Variants in SHISA6 observed in about 807,000 individuals in gnomAD.
SHISA6 encodes the protein protein shisa-6.
Under a neutral mutation model 47.9 loss-of-function variants are expected in SHISA6, and 22 were observed. That is an observed-to-expected ratio of 0.46 (90% CI 0.33 to 0.66). SHISA6 has a LOEUF of 0.66. SHISA6 is among the 30% of genes least tolerant of loss of function. The pLI is 0.02. For missense variants in SHISA6, 680 were observed against 764.6 expected (o/e 0.89, Z 1.30); for synonymous variants, 388 against 337.8 (o/e 1.15, Z -1.63).
intron 3 of SHISA6, among the ~76,000 whole-genome samples, chr17:11,471,322 T>C (rs896073549): frequency 6.6e-6 from 1 of 151,790 alleles, no homozygotes; most frequent in African/African-American, 2.4e-5. Flanking sequence ...CAGAAATGCA[T>C]AGCCCAACTG....
intron 2 of SHISA6, among the ~76,000 whole-genome samples, chr17:11,367,102 C>G (rs79530375): frequency 6.6e-6 from 1 of 152,086 alleles, no homozygotes; most frequent in Admixed American, 6.5e-5. Flanking sequence ...ATCAGCAACT[C>G]TTTTGACATT....
chr17:11,463,155 G>T (rs1915732309), intron 3 of SHISA6, among the ~76,000 whole-genome samples: 2 of 152,274 alleles, frequency 1.3e-5, no homozygotes, highest in Non-Finnish European at 2.9e-5. Flanking sequence ...GAAAACTCGG[G>T]ACCCTCAACA....
chr17:11,260,174 T>C (rs572956518), intron 1 of SHISA6, among the ~76,000 whole-genome samples: 26 of 152,270 alleles, frequency 1.7e-4, no homozygotes, highest in African/African-American at 4.6e-4. Flanking sequence ...TCAGATTTGC[T>C]GCCTGATTAA....
chr17:11,415,783 G>T (rs1316305677), intron 3 of SHISA6, among the ~76,000 whole-genome samples: 3 of 152,068 alleles, frequency 2.0e-5, no homozygotes, highest in Admixed American at 2.0e-4. Flanking sequence ...TTATCTAACA[G>T]GTTAGTGTTT....
chr17:11,406,851 A>G (rs1164564958), intron 3 of SHISA6, among the ~76,000 whole-genome samples: 1 of 152,180 alleles, frequency 6.6e-6, no homozygotes, highest in Non-Finnish European at 1.5e-5. Context: ...CCACGAGAGT[A>G]TAATTGGAAT....
At chr17:11,301,275 C>T (rs12937529) in intron 2 of SHISA6, among the ~76,000 whole-genome samples, 66,209 of 151,838 alleles carry the variant, frequency 0.44, 15,103 homozygotes, top group East Asian at 0.73. Context: ...CTCCTGGGTG[C>T]GTTGCAGCCC....
rs145510921 is a variant in SHISA6 at position 11,336,974 on chromosome 17, G to A, written c.800-42440G>A. ...GGAAGTTGGCATCTGTGTGAGATGAGATGAGGAGAGTGCAAAGTCAGACAA... is the reference window on the plus strand; with the variant it reads ...GGAAGTTGGCATCTGTGTGAGATGAAATGAGGAGAGTGCAAAGTCAGACAA... On this transcript the variant is annotated intron_variant, in intron 2 of 5. Coordinates refer to ENST00000441885, the MANE Select transcript of SHISA6 (RefSeq NM_207386.4). Among the ~76,000 whole-genome samples the A allele has an allele frequency of 1.6e-3, 247 of 152,306 alleles. 1 individual carries two copies. Among genetic ancestry groups the A allele is most frequent in the African/African-American group, 5.7e-3 (236 of 41,564 alleles).
rs56060137 is a variant in SHISA6 at position 11,300,149 on chromosome 17, C to CAA, written c.799+36638_799+36639dup. Among the ~76,000 whole-genome samples, 449 of 129,188 alleles carry CAA rather than the reference C, an allele frequency of 3.5e-3. 2 individuals carry two copies. Among genetic ancestry groups the CAA allele is most frequent in the Non-Finnish European group, 4.2e-3 (261 of 62,106 alleles). 84.8% of individuals were successfully genotyped at this position (129,188 alleles called of 152,430 possible). A position where few individuals can be genotyped will look rare whatever the true frequency, so the allele number is the denominator to read the frequency against. On this transcript the variant is annotated intron_variant, in intron 2 of 5. Transcript: ENST00000441885. The stretch of plus-strand genomic sequence containing the variant: ...GACAGAGCAAGACTCCATCTTAAAA[C>CAA]AAAAAAAAAAAAAAAAGAAAAACAA...
At chr17:11,487,449 G>A (rs553931790) in intron 3 of SHISA6, among the ~76,000 whole-genome samples, 4 of 152,276 alleles carry the variant, frequency 2.6e-5, no homozygotes, top group African/African-American at 7.2e-5. Flanking sequence ...AATGTTGTGG[G>A]GTTTGGTTGG....
At chr17:11,461,752 T>C (rs1915697800) in intron 3 of SHISA6, among the ~76,000 whole-genome samples, 1 of 151,926 alleles carries the variant, frequency 6.6e-6, no homozygotes, top group African/African-American at 2.4e-5. Context: ...AGGTAGAGAG[T>C]AGTTCAGAGT....
At chr17:11,450,998 A>G (rs1335636016) in intron 3 of SHISA6, among the ~76,000 whole-genome samples, 1 of 150,152 alleles carries the variant, frequency 6.7e-6, no homozygotes, top group Non-Finnish European at 1.5e-5. Flanking sequence ...AGAAAATTAA[A>G]AAAAAAAAAA....
intron 2 of SHISA6, among the ~76,000 whole-genome samples, chr17:11,305,115 G>T (rs1178396731): frequency 1.3e-5 from 2 of 152,296 alleles, no homozygotes; most frequent in Non-Finnish European, 1.5e-5. Context: ...CCTGCTGGTG[G>T]TGTGCCCTTG....
intron 3 of SHISA6, among the ~76,000 whole-genome samples, chr17:11,444,655 T>C (rs187773021): frequency 6.6e-6 from 1 of 152,020 alleles, no homozygotes; most frequent in African/African-American, 2.4e-5. Context: ...GAGAAGCTTC[T>C]AGCTGGATGG....
At chr17:11,446,779 T>C (rs185033279) in intron 3 of SHISA6, among the ~76,000 whole-genome samples, 6 of 152,302 alleles carry the variant, frequency 3.9e-5, no homozygotes, top group Non-Finnish European at 7.3e-5. Flanking sequence ...TTTCATCTTG[T>C]GTTTGCCTTT....
chr17:11,250,052 AAG>A (rs1041294517), intron 1 of SHISA6, among the ~76,000 whole-genome samples: 6 of 152,194 alleles, frequency 3.9e-5, no homozygotes, highest in African/African-American at 1.2e-4. Context: ...TGGAGGTCCT[AAG>A]AGAGAGGGAG....
At chr17:11,398,333 A>C (rs1383805664) in intron 3 of SHISA6, among the ~76,000 whole-genome samples, 1 of 152,208 alleles carries the variant, frequency 6.6e-6, no homozygotes, top group Non-Finnish European at 1.5e-5. Context: ...GATGATGATG[A>C]GGAAGTAGTT....
At chr17:11,491,764 T>C (rs59992323) in intron 3 of SHISA6, among the ~76,000 whole-genome samples, 14,871 of 131,536 alleles carry the variant, frequency 0.11, 981 homozygotes, top group Non-Finnish European at 0.16. Context: ...GGGAAGCTGG[T>C]GAAGTGTTTT....
chr17:11,345,507 G>GA (rs1911674610), intron 2 of SHISA6, among the ~76,000 whole-genome samples: 1 of 151,928 alleles, frequency 6.6e-6, no homozygotes. Flanking sequence ...AATTTCTTAA[G>GA]AAAAAACAAC....
rs111462562 is a variant in SHISA6 at position 11,447,906 on chromosome 17, G to C, written c.895+68397G>C. On this transcript the variant is annotated intron_variant, in intron 3 of 5. Transcript: ENST00000441885. ...TGGAAGCTTGTCCAACCTGCAGACA[G>C]CAGTGGGCAGGGCTGGAGGGGCAGT... 3.9e-5 allele frequency among the ~76,000 whole-genome samples: 6 copies of C among 152,304 alleles called. 1 individual carries two copies. The highest frequency in any genetic ancestry group is 1.4e-4 in the African/African-American group (6 of 41,570).
Sources: gnomAD v4.1 joint callset for allele counts (sites outside exome capture counted in the v4.1 genomes callset) on GRCh38, gnomAD v4.1.1 for gene constraint, MANE v1.5 for transcripts, NCBI Gene and HGNC (gene_info 2026-07-23, HGNC 2026-07-21) for gene names.